The following SLC24A2 variants were observed in gnomAD, a reference collection of about 807,000 sequenced individuals.
SLC24A2 encodes sodium/potassium/calcium exchanger 2.
Under a neutral mutation model 62.0 loss-of-function variants are expected in SLC24A2, and 36 were observed. That is an observed-to-expected ratio of 0.58 (90% CI 0.44 to 0.77). The LOEUF is 0.77. Ranked by LOEUF, SLC24A2 falls within the 30% of genes least tolerant of loss-of-function variation. The probability of loss-of-function intolerance (pLI) is 0.00; values close to 1 mark genes in which losing one functional copy is unlikely to be tolerated. For missense variants in SLC24A2, 846 were observed against 817.9 expected (o/e 1.03, Z -0.42); for synonymous variants, 358 against 294.0 (o/e 1.22, Z -2.23).
chr9:19,908,768 A>G, the SLC24A2 span, among the ~76,000 whole-genome samples: 6 of 152,236 alleles, frequency 3.9e-5, no homozygotes, highest in Non-Finnish European at 7.3e-5. Flanking sequence ...AATGCAAATC[A>G]AGACCACACT....
At chr9:19,815,174 GCTCTCTTGGTA>G in the SLC24A2 span, among the ~76,000 whole-genome samples, 9 of 152,190 alleles carry the variant, frequency 5.9e-5, no homozygotes, top group East Asian at 3.9e-4. Flanking sequence ...GAGAGTAAGA[GCTCTCTTGGTA>G]CCCAATTCAA....
chr9:20,074,023 G>A, the SLC24A2 span, among the ~76,000 whole-genome samples: 3 of 151,384 alleles, frequency 2.0e-5, no homozygotes, highest in Non-Finnish European at 4.4e-5. Context: ...AACAAGTTGA[G>A]AAACTGAGCT....
the SLC24A2 span, among the ~76,000 whole-genome samples, chr9:20,202,085 G>GTGTT: frequency 6.7e-6 from 1 of 149,872 alleles, no homozygotes; most frequent in Non-Finnish European, 1.5e-5. Context: ...GTGTGTGTGT[G>GTGTT]TGTGTGTGTT....
the SLC24A2 span, among the ~76,000 whole-genome samples, chr9:19,823,165 C>T: frequency 1.2e-4 from 18 of 152,142 alleles, no homozygotes; most frequent in Non-Finnish European, 2.5e-4. Context: ...CTTAGCAGAA[C>T]ACAGGTAAGA....
chr9:20,300,612 G>A, the SLC24A2 span, among the ~76,000 whole-genome samples: 4 of 152,228 alleles, frequency 2.6e-5, no homozygotes, highest in Admixed American at 6.5e-5. Context: ...TGACAGCCTG[G>A]TACCCATAGA....
At chr9:20,299,848 A>T in the SLC24A2 span, among the ~76,000 whole-genome samples, 1 of 152,240 alleles carries the variant, frequency 6.6e-6, no homozygotes, top group African/African-American at 2.4e-5. Flanking sequence ...TCTTATTCCA[A>T]GTGCATTGCT....
the SLC24A2 span, among the ~76,000 whole-genome samples, chr9:20,080,207 G>C: frequency 7.2e-5 from 11 of 152,218 alleles, no homozygotes; most frequent in South Asian, 1.0e-3. Flanking sequence ...GGAGGCATCA[G>C]GCTACCTGAC....
chr9:19,516,101 C>T lies in SLC24A2; in HGVS notation c.*52G>A. On this transcript the variant is annotated 3_prime_UTR_variant, in exon 11 of 11. Transcript: ENST00000341998. ...TCAAGAGGTCAAGGAGCCCAGAGCCCAGAGTGTGGAGGGACCATTCATGCT... is the reference window on the plus strand; with the variant it reads ...TCAAGAGGTCAAGGAGCCCAGAGCCTAGAGTGTGGAGGGACCATTCATGCT... 6.2e-7 allele frequency: 1 copy of T among 1,611,786 alleles called. No homozygotes were observed. Among genetic ancestry groups the T allele is most frequent in the Non-Finnish European group, 8.5e-7 (1 of 1,178,476 alleles).
chr9:20,100,178 T>TTGTGTG, the SLC24A2 span, among the ~76,000 whole-genome samples: 2 of 151,392 alleles, frequency 1.3e-5, no homozygotes, highest in Admixed American at 6.6e-5. Context: ...GGCTAACTTT[T>TTGTGTG]TGTGTGTGTG....
At chr9:19,531,297 GC>G (rs1563937202) in intron 8 of SLC24A2, among the ~76,000 whole-genome samples, 2 of 152,130 alleles carry the variant, frequency 1.3e-5, no homozygotes, top group African/African-American at 4.8e-5. Context: ...AGACATCTCT[GC>G]CCAGTAGCAA....
At chr9:19,634,966 T>G (rs966109940) in intron 2 of SLC24A2, among the ~76,000 whole-genome samples, 8 of 152,234 alleles carry the variant, frequency 5.3e-5, no homozygotes, top group Non-Finnish European at 8.8e-5. Flanking sequence ...AATGGATTGA[T>G]GATGCTGGAG....
chr9:19,821,417 C>A, the SLC24A2 span, among the ~76,000 whole-genome samples: 1 of 151,992 alleles, frequency 6.6e-6, no homozygotes, highest in African/African-American at 2.4e-5. Flanking sequence ...GCCTTTCCAC[C>A]TGGATTTGGA....
the SLC24A2 span, among the ~76,000 whole-genome samples, chr9:20,007,003 T>C: frequency 6.6e-6 from 1 of 152,172 alleles, no homozygotes; most frequent in African/African-American, 2.4e-5. Context: ...TACATCACTG[T>C]TTGTGTCAAC....
At chr9:20,282,516 C>A in the SLC24A2 span, among the ~76,000 whole-genome samples, 703 of 152,190 alleles carry the variant, frequency 4.6e-3, 9 homozygotes, top group African/African-American at 0.016. Context: ...GAGATTAATG[C>A]CCCAAATCAT....
chr9:19,715,068 A>G (rs1043459421), intron 2 of SLC24A2, among the ~76,000 whole-genome samples: 4 of 152,076 alleles, frequency 2.6e-5, no homozygotes, highest in African/African-American at 7.2e-5. Flanking sequence ...CACCACCACC[A>G]AACACCGTAA....
intron 2 of SLC24A2, among the ~76,000 whole-genome samples, chr9:19,693,360 C>T (rs974568846): frequency 1.3e-5 from 2 of 152,122 alleles, no homozygotes; most frequent in African/African-American, 4.8e-5. Flanking sequence ...TATATGAATG[C>T]AGCCTGTTGG....
At chr9:20,006,124 T>C in the SLC24A2 span, among the ~76,000 whole-genome samples, 1 of 151,650 alleles carries the variant, frequency 6.6e-6, no homozygotes, top group African/African-American at 2.4e-5. Flanking sequence ...ACATAGTATG[T>C]TAATTAATCA....
chr9:19,705,666 A>G (rs1820491963), intron 2 of SLC24A2: 1 of 209,960 alleles, frequency 4.8e-6, no homozygotes, highest in Non-Finnish European at 1.0e-5. Context: ...GAACATCTTT[A>G]TTTCTGCCTT....
At chr9:20,069,117 AC>A in the SLC24A2 span, among the ~76,000 whole-genome samples, 2 of 152,164 alleles carry the variant, frequency 1.3e-5, no homozygotes, top group African/African-American at 4.8e-5. Context: ...GTTATCCTTG[AC>A]TTTTTCTTCT....
Sources: gnomAD v4.1 joint callset for allele counts (sites outside exome capture counted in the v4.1 genomes callset) on GRCh38, gnomAD v4.1.1 for gene constraint, MANE v1.5 for transcripts, NCBI Gene and HGNC (gene_info 2026-07-23, HGNC 2026-07-21) for gene names.